Variants in SPMAP2L observed in about 807,000 individuals in gnomAD.
SPMAP2L encodes sperm microtubule associated protein 2-like.
the SPMAP2L span, among the ~76,000 whole-genome samples, chr4:56,591,597 A>G: frequency 3.3e-5 from 5 of 152,262 alleles, no homozygotes; most frequent in Non-Finnish European, 7.3e-5. Context: ...CATCATCATC[A>G]TAATAATCAT....
chr4:56,593,032 C>T, the SPMAP2L span: 1 of 1,595,064 alleles, frequency 6.3e-7, no homozygotes, highest in South Asian at 1.1e-5. Context: ...CCATTTCAAG[C>T]AAAAACCAGA....
the SPMAP2L span, chr4:56,600,986 C>T: frequency 4.3e-4 from 660 of 1,535,426 alleles, no homozygotes; most frequent in Admixed American, 7.1e-4. Flanking sequence ...ATAGCTCTAG[C>T]GAAGTCCAAG....
At chr4:56,601,695 T>C in the SPMAP2L span, among the ~76,000 whole-genome samples, 1 of 152,086 alleles carries the variant, frequency 6.6e-6, no homozygotes, top group African/African-American at 2.4e-5. Flanking sequence ...GCCCAGGAGT[T>C]TGAAGTTACA....
the SPMAP2L span, chr4:56,595,457 A>C: frequency 1.2e-6 from 2 of 1,603,896 alleles, no homozygotes; most frequent in East Asian, 4.5e-5. Flanking sequence ...GCTGACATTG[A>C]GGAGGGCCGC....
At chr4:56,610,495 T>G in the SPMAP2L span, among the ~76,000 whole-genome samples, 167 of 152,326 alleles carry the variant, frequency 1.1e-3, 1 homozygote, top group African/African-American at 3.6e-3. Flanking sequence ...ATAAAAATTA[T>G]AGAAGGTAAC....
chr4:56,539,094 A>G, the SPMAP2L span, among the ~76,000 whole-genome samples: 1 of 152,252 alleles, frequency 6.6e-6, no homozygotes, highest in Middle Eastern at 3.2e-3. Context: ...TGACTAAGAC[A>G]TGGCATTTTG....
the SPMAP2L span, among the ~76,000 whole-genome samples, chr4:56,546,096 A>G: frequency 6.6e-6 from 1 of 151,930 alleles, no homozygotes; most frequent in African/African-American, 2.4e-5. Flanking sequence ...GCCCAGCCAC[A>G]TTTTTTTTAA....
chr4:56,572,861 C>G, the SPMAP2L span, among the ~76,000 whole-genome samples: 1 of 151,998 alleles, frequency 6.6e-6, no homozygotes, highest in African/African-American at 2.4e-5. Context: ...ACTAAAAATA[C>G]AAAAATTAGC....
At chr4:56,572,762 TC>T in the SPMAP2L span, among the ~76,000 whole-genome samples, 17,324 of 152,184 alleles carry the variant, frequency 0.11, 1,091 homozygotes, top group East Asian at 0.21. Flanking sequence ...ACACCTGTAA[TC>T]CCAGCACTTT....
At chr4:56,564,133 AT>A in the SPMAP2L span, among the ~76,000 whole-genome samples, 56,427 of 133,232 alleles carry the variant, frequency 0.42, 10,815 homozygotes, top group Admixed American at 0.44. Context: ...AATCTGTGGA[AT>A]TTTTTTTTTT....
At chr4:56,584,552 C>T in the SPMAP2L span, 74 of 1,535,246 alleles carry the variant, frequency 4.8e-5, no homozygotes, top group South Asian at 3.3e-4. Context: ...TCCTTCTCCC[C>T]GGATATTACA....
At chr4:56,623,053 T>C in the SPMAP2L span, among the ~76,000 whole-genome samples, 2 of 152,104 alleles carry the variant, frequency 1.3e-5, no homozygotes, top group Admixed American at 6.5e-5. Flanking sequence ...TTTTCCTCCA[T>C]ATGTTCCCTT....
At chr4:56,599,069 C>A in the SPMAP2L span, among the ~76,000 whole-genome samples, 3 of 151,998 alleles carry the variant, frequency 2.0e-5, no homozygotes, top group African/African-American at 7.3e-5. Context: ...AACTGTGATT[C>A]CATTAAACCT....
the SPMAP2L span, among the ~76,000 whole-genome samples, chr4:56,537,549 T>C: frequency 6.6e-6 from 1 of 152,210 alleles, no homozygotes; most frequent in African/African-American, 2.4e-5. Context: ...TCTATTCTTC[T>C]TGCCTCACCT....
chr4:56,531,208 C>T, the SPMAP2L span: 1 of 1,489,778 alleles, frequency 6.7e-7, no homozygotes, highest in Non-Finnish European at 8.9e-7. Context: ...TCCTGCTTCT[C>T]CCTTCCCCTC....
At chr4:56,596,709 T>G in the SPMAP2L span, 15 of 1,333,250 alleles carry the variant, frequency 1.1e-5, no homozygotes, top group African/African-American at 1.0e-4. Flanking sequence ...CTACAGGGCA[T>G]AGCCCAAAGT....
chr4:56,601,164 G>C, the SPMAP2L span: 1 of 1,461,286 alleles, frequency 6.8e-7, no homozygotes. Flanking sequence ...CTGGGGAGAG[G>C]GAGAAAGTTG....
the SPMAP2L span, among the ~76,000 whole-genome samples, chr4:56,598,357 A>G: frequency 5.3e-5 from 8 of 152,350 alleles, no homozygotes; most frequent in East Asian, 1.5e-3. Flanking sequence ...TTAGCAAACA[A>G]GTAATTCCCC....
the SPMAP2L span, among the ~76,000 whole-genome samples, chr4:56,535,981 G>C: frequency 6.6e-6 from 1 of 152,230 alleles, no homozygotes; most frequent in African/African-American, 2.4e-5. Flanking sequence ...TAAGGACCCA[G>C]CAAGCTAGAT....
Sources: allele counts gnomAD v4.1 joint callset (sites outside exome capture counted in the v4.1 genomes callset), GRCh38; gene constraint gnomAD v4.1.1; transcripts MANE v1.5; gene names NCBI Gene and HGNC (gene_info 2026-07-23, HGNC 2026-07-21).